RNF217: variants seen among roughly 807,000 people sequenced by gnomAD.
RNF217 encodes the protein ring finger protein 217, also known as E3 ubiquitin-protein ligase RNF217.
In RNF217, 31 loss-of-function variants were observed where a neutral mutation model predicts 57.8. The ratio of observed to expected loss-of-function variants is 0.54; its 90% CI spans 0.40 to 0.72. The LOEUF is 0.72. Ranked by LOEUF, RNF217 falls within the 30% of genes least tolerant of loss-of-function variation. The pLI, the probability that RNF217 is intolerant of heterozygous loss-of-function variation, is 0.00. For synonymous variants in RNF217, 313 were observed against 294.0 expected, an observed-to-expected ratio of 1.06 and a Z score of -0.66; for missense variants, 696 against 708.3, an observed-to-expected ratio of 0.98 and a Z score of 0.20.
chr6:124,989,155 T>A (rs553445368), intron 1 of RNF217, among the ~76,000 whole-genome samples: 2 of 152,340 alleles, frequency 1.3e-5, no homozygotes, highest in South Asian at 4.1e-4. Context: ...TGGAATTTTT[T>A]TTTAATTTAC....
rs529300920 is a variant in RNF217, at chr6:125,049,746, G to A, written c.1116+4302G>A. On this transcript the variant is annotated intron_variant, in intron 2 of 5. Transcript: ENST00000521654. ...AGCAGAATGAGCAACCCTGGGTATT[G>A]AGAAGGGCATGGGGGAGTAAAAAAG... 1.7e-4 allele frequency among the ~76,000 whole-genome samples: 26 copies of A among 152,058 alleles called. No individual in the cohort carries two copies. In the East Asian group the frequency reaches 4.8e-3, roughly 28 times the overall value.
intron 3 of RNF217, among the ~76,000 whole-genome samples, chr6:125,065,562 C>A (rs1420126618): frequency 6.6e-6 from 1 of 152,044 alleles, no homozygotes; most frequent in East Asian, 1.9e-4. Flanking sequence ...CATGAGAGCA[C>A]CTGTTGAGAG....
At chr6:125,036,900 T>C (rs1253603771) in intron 1 of RNF217, among the ~76,000 whole-genome samples, 1 of 148,038 alleles carries the variant, frequency 6.8e-6, no homozygotes, top group South Asian at 2.1e-4. Flanking sequence ...ATTTATTATA[T>C]ATTATTTATT....
At chr6:125,051,809 C>T (rs1787327957) in intron 2 of RNF217, among the ~76,000 whole-genome samples, 1 of 152,000 alleles carries the variant, frequency 6.6e-6, no homozygotes, top group Non-Finnish European at 1.5e-5. Flanking sequence ...CAGAACAGGA[C>T]ATCTTGTTCA....
chr6:125,089,120 G>A lies in RNF217; in HGVS notation c.*6183G>A, dbSNP rs2114674607. On this transcript the variant is annotated 3_prime_UTR_variant, in exon 6 of 6. Coordinates refer to ENST00000521654, the MANE Select transcript of RNF217 (RefSeq NM_001286398.3). ...AATGGAAATGTATCAGGAGTGCCTGGAACACTTTTCCCTCTTGATAGGAGT... is the reference window on the plus strand; with the variant it reads ...AATGGAAATGTATCAGGAGTGCCTGAAACACTTTTCCCTCTTGATAGGAGT... 6.6e-6 allele frequency: 1 copy of A among 152,412 alleles called. No homozygotes were observed. The highest frequency in any genetic ancestry group is 1.9e-4 in the East Asian group (1 of 5,186). 9.4% of individuals were successfully genotyped at this position (152,412 alleles called of 1,614,324 possible). A position where few individuals can be genotyped will look rare whatever the true frequency, so the allele number is the denominator to read the frequency against.
At chr6:125,015,036 A>G (rs941586966) in intron 1 of RNF217, among the ~76,000 whole-genome samples, 6 of 152,166 alleles carry the variant, frequency 3.9e-5, no homozygotes, top group Non-Finnish European at 8.8e-5. Flanking sequence ...CAACATTGCC[A>G]TTTAGCTACT....
chr6:125,001,570 C>T (rs1426272934), intron 1 of RNF217, among the ~76,000 whole-genome samples: 1 of 152,048 alleles, frequency 6.6e-6, no homozygotes, highest in Non-Finnish European at 1.5e-5. Context: ...AGCAGTATGG[C>T]GTTTTAGTGA....
intron 1 of RNF217, among the ~76,000 whole-genome samples, chr6:125,022,038 C>T (rs1785862953): frequency 2.0e-5 from 3 of 152,018 alleles, no homozygotes; most frequent in African/African-American, 4.8e-5. Flanking sequence ...TGCACCACCA[C>T]ACCTGGCTAA....
At chr6:125,004,064 GTT>G (rs11451710) in intron 1 of RNF217, among the ~76,000 whole-genome samples, 2,504 of 152,176 alleles carry the variant, frequency 0.016, 71 homozygotes, top group African/African-American at 0.057. Context: ...AGGGGTTACA[GTT>G]TTTTTCTTTA....
intron 1 of RNF217, among the ~76,000 whole-genome samples, chr6:125,017,672 G>A (rs1253760387): frequency 2.0e-5 from 3 of 152,058 alleles, no homozygotes; most frequent in Admixed American, 2.0e-4. Context: ...TTAAAATAGG[G>A]ATTAAATTCC....
intron 1 of RNF217, among the ~76,000 whole-genome samples, chr6:124,979,379 G>A (rs929181173): frequency 1.1e-4 from 17 of 152,218 alleles, no homozygotes; most frequent in African/African-American, 2.2e-4. Context: ...GAGCAAGCAT[G>A]TGGAAATAGG....
chr6:124,971,075 G>A (rs1232009743), intron 1 of RNF217, among the ~76,000 whole-genome samples: 4 of 152,220 alleles, frequency 2.6e-5, no homozygotes, highest in Non-Finnish European at 5.9e-5. Context: ...GTTATATGAG[G>A]GAACTCGAGG....
At chr6:125,025,086 T>A (rs575522995) in intron 1 of RNF217, among the ~76,000 whole-genome samples, 2 of 152,090 alleles carry the variant, frequency 1.3e-5, no homozygotes, top group South Asian at 2.1e-4. Flanking sequence ...AAATCAGGAA[T>A]GTGATGTGCT....
At chr6:125,052,264 A>T (rs1787345619) in intron 2 of RNF217, among the ~76,000 whole-genome samples, 1 of 149,768 alleles carries the variant, frequency 6.7e-6, no homozygotes, top group Non-Finnish European at 1.5e-5. Context: ...ATCTCAATAT[A>T]GCTTACCTTG....
rs533204552 is a variant in RNF217, at chr6:125,043,062, C to T, written c.883-2149C>T. Among the ~76,000 whole-genome samples, 39 of 152,212 alleles carry T rather than the reference C, an allele frequency of 2.6e-4. No individual in the cohort carries two copies. The South Asian group carries it at 7.9e-3, about 31-fold the overall frequency. On this transcript the variant is annotated intron_variant, in intron 1 of 5. Transcript: ENST00000521654. ...AACATCCAGACTCCTAAGATGGCTT[C>T]ATGCTCTGCCCTTGTGCTCTGGTCC...
chr6:125,035,275 C>A (rs902886087), intron 1 of RNF217, among the ~76,000 whole-genome samples: 1 of 151,882 alleles, frequency 6.6e-6, no homozygotes, highest in South Asian at 2.1e-4. Context: ...TGTCTTGTGC[C>A]AGTTTTCAAA....
chr6:124,985,839 A>G (rs1163388585), intron 1 of RNF217, among the ~76,000 whole-genome samples: 1 of 152,228 alleles, frequency 6.6e-6, no homozygotes, highest in Non-Finnish European at 1.5e-5. Context: ...GAATGATAAA[A>G]TATTAACATT....
chr6:125,063,469 C>G (rs1787822101), intron 3 of RNF217, among the ~76,000 whole-genome samples: 2 of 152,112 alleles, frequency 1.3e-5, no homozygotes, highest in African/African-American at 4.8e-5. Flanking sequence ...GTACCTTTGT[C>G]CGGTGCTCTT....
chr6:125,064,978 T>C (rs1422969118), intron 3 of RNF217, among the ~76,000 whole-genome samples: 1 of 152,086 alleles, frequency 6.6e-6, no homozygotes, highest in Non-Finnish European at 1.5e-5. Context: ...GTTATATAAC[T>C]GAAAAATTCA....
Sources: allele counts gnomAD v4.1 joint callset (sites outside exome capture counted in the v4.1 genomes callset), GRCh38; gene constraint gnomAD v4.1.1; transcripts MANE v1.5; gene names NCBI Gene and HGNC (gene_info 2026-07-23, HGNC 2026-07-21).